Variants in CPNE4 observed in about 807,000 individuals in gnomAD.
CPNE4 encodes copine 4, also known as copine-4.
Under a neutral mutation model 67.9 loss-of-function variants are expected in CPNE4, and 25 were observed. The ratio of observed to expected loss-of-function variants is 0.37; its 90% CI spans 0.27 to 0.51. CPNE4 has a LOEUF of 0.51. Ranked by LOEUF, CPNE4 falls within the 20% of genes least tolerant of loss-of-function variation. The pLI, the probability that CPNE4 is intolerant of heterozygous loss-of-function variation, is 0.93. For missense variants in CPNE4, 464 were observed against 690.8 expected (o/e 0.67, Z 3.68); for synonymous variants, 242 against 244.9 (o/e 0.99, Z 0.11).
chr3:131,609,547 A>G (rs1004607197), intron 7 of CPNE4, among the ~76,000 whole-genome samples: 3 of 152,210 alleles, frequency 2.0e-5, no homozygotes, highest in Admixed American at 1.3e-4. Context: ...GAATCATTGT[A>G]TGAAGACTGC....
chr3:131,934,674 T>C (rs2071171931), intron 1 of CPNE4, among the ~76,000 whole-genome samples: 1 of 152,200 alleles, frequency 6.6e-6, no homozygotes, highest in Non-Finnish European at 1.5e-5. Context: ...TTTGGTTTTC[T>C]GTTCCTGTGT....
intron 1 of CPNE4, among the ~76,000 whole-genome samples, chr3:131,952,647 G>A (rs1204330071): frequency 4.0e-4 from 57 of 143,578 alleles, no homozygotes; most frequent in African/African-American, 1.3e-3. Flanking sequence ...CCGGCCAGCC[G>A]CCCCGTCTGG....
At chr3:131,763,407 T>C (rs2082937094) in intron 2 of CPNE4, among the ~76,000 whole-genome samples, 1 of 152,144 alleles carries the variant, frequency 6.6e-6, no homozygotes, top group South Asian at 2.1e-4. Context: ...CTTCCATGTG[T>C]TTCTGGAGAC....
chr3:131,688,470 T>A (rs2080949944), intron 5 of CPNE4, among the ~76,000 whole-genome samples: 1 of 152,208 alleles, frequency 6.6e-6, no homozygotes, highest in African/African-American at 2.4e-5. Flanking sequence ...AGTTTCTGTT[T>A]CTACATGCAT....
intron 1 of CPNE4, among the ~76,000 whole-genome samples, chr3:132,026,713 A>G (rs1383482576): frequency 1.3e-5 from 2 of 152,212 alleles, no homozygotes; most frequent in African/African-American, 4.8e-5. Context: ...TACTTTTTAA[A>G]AGAAGTACTA....
intron 7 of CPNE4, among the ~76,000 whole-genome samples, chr3:131,624,879 T>C (rs2079031479): frequency 6.6e-6 from 1 of 152,212 alleles, no homozygotes; most frequent in Non-Finnish European, 1.5e-5. Flanking sequence ...ATGGGATGTA[T>C]CATTGTTGCC....
intron 2 of CPNE4, among the ~76,000 whole-genome samples, chr3:131,766,265 G>A (rs1239892423): frequency 6.6e-6 from 1 of 152,162 alleles, no homozygotes. Context: ...CTAGTTTGTA[G>A]GGTTGTTTTG....
At chr3:131,819,933 G>T (rs1015556301) in intron 2 of CPNE4, among the ~76,000 whole-genome samples, 2 of 152,134 alleles carry the variant, frequency 1.3e-5, no homozygotes, top group African/African-American at 4.8e-5. Flanking sequence ...ACTAAGAAGA[G>T]ATATATTAAT....
At chr3:131,598,966 A>G (rs927297471) in intron 7 of CPNE4, among the ~76,000 whole-genome samples, 1 of 151,972 alleles carries the variant, frequency 6.6e-6, no homozygotes, top group Non-Finnish European at 1.5e-5. Context: ...ATTGGGTCAG[A>G]AAGGTAAAAA....
At chr3:131,955,538 C>A (rs2107904074) in intron 1 of CPNE4, among the ~76,000 whole-genome samples, 1 of 147,060 alleles carries the variant, frequency 6.8e-6, no homozygotes, top group South Asian at 2.2e-4. Context: ...TGCCACAAAA[C>A]AGGGCTTGGG....
At chr3:131,634,377 C>T (rs2079320856) in intron 7 of CPNE4, among the ~76,000 whole-genome samples, 2 of 152,146 alleles carry the variant, frequency 1.3e-5, no homozygotes, top group South Asian at 2.1e-4. Flanking sequence ...TAATACTTCA[C>T]TTTGAATAAT....
Position 131,535,096 on chromosome 3 carries a change from ATGT to A in CPNE4, c.*96_*98del. The A allele has an allele frequency of 2.4e-6, 3 of 1,265,436 alleles. No individual in the cohort carries two copies. Among genetic ancestry groups the A allele is most frequent in the Non-Finnish European group, 2.2e-6 (2 of 925,896 alleles). 78.4% of individuals were successfully genotyped at this position (1,265,436 alleles called of 1,614,324 possible). On this transcript the variant is annotated 3_prime_UTR_variant, in exon 16 of 16. Coordinates refer to ENST00000429747, the MANE Select transcript of CPNE4 (RefSeq NM_130808.3). ...AAACGTGCTATTTTTAAATGTGTAT[ATGT>A]TGTTGGTTTTTTAAAGTACAGGAGT...
At chr3:131,904,250 G>T (rs902918313) in intron 2 of CPNE4, among the ~76,000 whole-genome samples, 5 of 152,074 alleles carry the variant, frequency 3.3e-5, no homozygotes, top group Admixed American at 6.6e-5. Context: ...GGCCTTATGA[G>T]CTTGTAGGCC....
intron 2 of CPNE4, among the ~76,000 whole-genome samples, chr3:131,790,466 C>G (rs953095729): frequency 6.6e-6 from 1 of 152,102 alleles, no homozygotes. Flanking sequence ...TTGCCTGGCT[C>G]TAACAGGCAC....
In CPNE4 at chr3:131,550,339, G is replaced by A. The variant is rs562979335; in HGVS notation, c.1169-259C>T. On this transcript the variant is annotated intron_variant, in intron 13 of 15. Transcript: ENST00000429747. ...CCCTAATATCCTACTTTATATATAA[G>A]ATTTCATTCGCTCCTCATAGCATAA... Among the ~76,000 whole-genome samples, 4 of 152,168 alleles carry A rather than the reference G, an allele frequency of 2.6e-5. No homozygotes were observed. In the South Asian group the frequency reaches 8.3e-4, roughly 32 times the overall value.
At chr3:131,831,167 A>G (rs1461505360) in intron 2 of CPNE4, among the ~76,000 whole-genome samples, 1 of 152,140 alleles carries the variant, frequency 6.6e-6, no homozygotes, top group Non-Finnish European at 1.5e-5. Flanking sequence ...ATGGTGCAAG[A>G]AAAACATTGT....
chr3:131,880,096 G>T (rs1323816814), intron 2 of CPNE4, among the ~76,000 whole-genome samples: 3 of 151,546 alleles, frequency 2.0e-5, no homozygotes, highest in Non-Finnish European at 4.4e-5. Context: ...TCATGACAAA[G>T]ACGGTCCATG....
intron 10 of CPNE4, among the ~76,000 whole-genome samples, chr3:131,570,732 T>C (rs566854828): frequency 7.9e-5 from 12 of 152,130 alleles, no homozygotes; most frequent in Middle Eastern, 3.4e-3. Flanking sequence ...CCTCCCAAAA[T>C]TGCATGCAAA....
intron 7 of CPNE4, among the ~76,000 whole-genome samples, chr3:131,615,891 TCACACACACA>T (rs746630965): frequency 5.8e-4 from 63 of 107,816 alleles, no homozygotes; most frequent in South Asian, 2.0e-3. Context: ...TCTCTCTCTC[TCACACACACA>T]CACACACACA....
Sources: gnomAD v4.1 joint callset for allele counts (sites outside exome capture counted in the v4.1 genomes callset) on GRCh38, gnomAD v4.1.1 for gene constraint, MANE v1.5 for transcripts, NCBI Gene and HGNC (gene_info 2026-07-23, HGNC 2026-07-21) for gene names.